Variants in EXTL3 observed in about 807,000 individuals in gnomAD.
EXTL3 encodes exostosin-like 3.
EXTL3 carries 27 observed loss-of-function variants against 69.3 expected under a neutral mutation model. That is an observed-to-expected ratio of 0.39 (90% CI 0.29 to 0.54). EXTL3 has a LOEUF of 0.54. Among genes scored for constraint, EXTL3 ranks in the 20% least tolerant of loss-of-function variants. The probability of loss-of-function intolerance (pLI) is 0.69; values close to 1 mark genes in which losing one functional copy is unlikely to be tolerated. For missense variants in EXTL3, 1,003 were observed against 1,231.8 expected (o/e 0.81, Z 2.78); for synonymous variants, 511 against 499.4 (o/e 1.02, Z -0.31).
chr8:28,716,152 G>T lies in EXTL3; in HGVS notation c.93G>T (p.Trp31Cys). ...LRWSNRIRLT[W>C]LSFTLFVILV... ...GGTCCAACCGCATCCGCCTCACGTG[G>T]CTCAGCTTCACGCTCTTTGTCATCC... Residue 31 changes from tryptophan to cysteine, a missense_variant, in exon 3 of 7, where the codon TGG becomes TGT. Transcript: ENST00000220562. The surrounding 1 kb of genome is among the most constrained non-coding windows in gnomAD (Gnocchi z 7.1). 3.7e-6 allele frequency: 6 copies of T among 1,614,094 alleles called. No individual in the cohort carries two copies. Among genetic ancestry groups the T allele is most frequent in the Non-Finnish European group, 4.2e-6 (5 of 1,180,046 alleles).
intron 1 of EXTL3, among the ~76,000 whole-genome samples, chr8:28,681,160 A>G (rs1807480650): frequency 6.6e-6 from 1 of 151,730 alleles, no homozygotes; most frequent in Non-Finnish European, 1.5e-5. Flanking sequence ...GGCGTGAGCC[A>G]CTGCGCCTTG....
intron 1 of EXTL3, among the ~76,000 whole-genome samples, chr8:28,639,367 C>T (rs866303635): frequency 7.9e-5 from 12 of 152,184 alleles, no homozygotes; most frequent in East Asian, 3.8e-4. Flanking sequence ...CATCCCTGTC[C>T]GACCTCCTGG....
chr8:28,690,208 T>C (rs1180899067), intron 1 of EXTL3, among the ~76,000 whole-genome samples: 3 of 152,020 alleles, frequency 2.0e-5, no homozygotes, highest in Non-Finnish European at 2.9e-5. Flanking sequence ...TTTTCTTCTC[T>C]CTTTCTTTCT....
intron 2 of EXTL3, among the ~76,000 whole-genome samples, chr8:28,609,150 T>C (rs1330929107): frequency 2.0e-5 from 3 of 152,036 alleles, no homozygotes; most frequent in Non-Finnish European, 4.4e-5. Context: ...ATAAGGCCGA[T>C]TTGTCCAGAG....
At chr8:28,749,623 T>TTTCTTTCA (rs1554488749) in intron 6 of EXTL3, among the ~76,000 whole-genome samples, 6 of 150,502 alleles carry the variant, frequency 4.0e-5, no homozygotes, top group Non-Finnish European at 8.9e-5. Context: ...CCTCTGAGGA[T>TTTCTTTCA]TTCATTCATT....
chr8:28,640,946 T>G (rs1426847145), intron 1 of EXTL3, among the ~76,000 whole-genome samples: 1 of 152,212 alleles, frequency 6.6e-6, no homozygotes, highest in East Asian at 1.9e-4. Context: ...ATTTTTTTTT[T>G]CTATTAATAC....
chr8:28,639,264 A>T (rs1446895658), intron 1 of EXTL3, among the ~76,000 whole-genome samples: 1 of 152,036 alleles, frequency 6.6e-6, no homozygotes, highest in African/African-American at 2.4e-5. Context: ...CTCTTCCCCA[A>T]CATCGGCTTA....
At chr8:28,674,034 T>C (rs779597898) in intron 1 of EXTL3, among the ~76,000 whole-genome samples, 1 of 152,152 alleles carries the variant, frequency 6.6e-6, no homozygotes, top group African/African-American at 2.4e-5. Flanking sequence ...CAACCAACTA[T>C]AGAATCAATG....
intron 3 of EXTL3, among the ~76,000 whole-genome samples, chr8:28,719,947 A>G (rs138326044): frequency 3.9e-5 from 6 of 152,258 alleles, no homozygotes; most frequent in South Asian, 2.1e-4. Context: ...TGGGCAGCCC[A>G]TCGCAATAAT....
At chr8:28,748,683 G>A (rs565375023) in intron 6 of EXTL3, among the ~76,000 whole-genome samples, 68 of 152,272 alleles carry the variant, frequency 4.5e-4, no homozygotes, top group African/African-American at 6.7e-4. Context: ...TCTCCTACCC[G>A]TTGCCCCGGG....
chr8:28,717,182 T>C lies in EXTL3; in HGVS notation c.1123T>C (p.Tyr375His). The C allele has an allele frequency of 1.2e-6, 2 of 1,614,240 alleles. No individual in the cohort carries two copies. The highest frequency in any genetic ancestry group is 1.3e-5 in the African/African-American group (1 of 75,066). Residue 375 changes from tyrosine to histidine, a missense_variant, in exon 3 of 7, where the codon TAC becomes CAC. By Grantham distance (83) the Tyr-to-His change is moderately conservative. This residue lies in a region of EXTL3 where 742 missense variants were observed against 815.4 expected (regional missense o/e 0.91). Coordinates refer to ENST00000220562, the MANE Select transcript of EXTL3 (RefSeq NM_001440.4). The surrounding 1 kb of genome is among the most constrained non-coding windows in gnomAD (Gnocchi z 8.3). ...AATGGAGGGCGACCCTCCCGCCGAC[T>C]ACGATGACCGGATCATTGCCACCCT... Reference protein sequence around the residue: ...EEMEGDPPADYDDRIIATLKA... With the variant: ...EEMEGDPPADHDDRIIATLKA...
Position 28,717,841 on chromosome 8 carries a change from TCTGA to T in EXTL3, c.1786_1789del (p.Thr596SerfsTer70), listed in dbSNP as rs2130741658. On this transcript the variant is annotated frameshift_variant, in exon 3 of 7. Transcript: ENST00000220562. LOFTEE classifies it high-confidence loss of function. The surrounding 1 kb of genome is among the most constrained non-coding windows in gnomAD (Gnocchi z 8.3). ...CACCCAGATACCTCCGCAATTTCAC[TCTGA>T]CTGTCACTGACTTTTACCGCAGCTG... The T allele has an allele frequency of 1.2e-6, 2 of 1,612,120 alleles. No individual in the cohort carries two copies. The highest frequency in any genetic ancestry group is 8.5e-7 in the Non-Finnish European group (1 of 1,178,298).
chr8:28,658,767 G>T (rs1253376854), intron 1 of EXTL3, among the ~76,000 whole-genome samples: 1 of 152,148 alleles, frequency 6.6e-6, no homozygotes, highest in Non-Finnish European at 1.5e-5. Flanking sequence ...TTTTAGTAGA[G>T]ATGGGGTTGT....
chr8:28,614,420 C>T (rs1806307290), intron 2 of EXTL3, among the ~76,000 whole-genome samples: 2 of 151,804 alleles, frequency 1.3e-5, no homozygotes, highest in Middle Eastern at 3.4e-3. Flanking sequence ...TATACAGGCA[C>T]GTGCCACCAT....
At chr8:28,671,228 C>A (rs1201893039) in intron 1 of EXTL3, among the ~76,000 whole-genome samples, 1 of 151,222 alleles carries the variant, frequency 6.6e-6, no homozygotes, top group Non-Finnish European at 1.5e-5. Context: ...GTGATATGCC[C>A]ACCTTGGCCT....
At position 28,716,244 on chromosome 8, in the gene EXTL3, A is replaced by G. The variant is rs1306594714; in HGVS notation, c.185A>G (p.Lys62Arg). The change falls in exon 3 of 7, where the codon AAG (lysine) becomes AGG (arginine). Residue 62 changes from lysine (K) to arginine (R), a missense_variant. Around this residue, in one of 2 missense-constraint regions of EXTL3, gnomAD observed 742 missense variants for 815.4 expected, o/e 0.91. Transcript: ENST00000220562. The surrounding 1 kb of genome is among the most constrained non-coding windows in gnomAD (Gnocchi z 7.1). ...CTGGATGAGGCTGATGAGGCAGGCA[A>G]GCGGATTTTTGGTCCCCGGGTGGGG... is the stretch of plus-strand genomic sequence containing the variant. ...TTLDEADEAG[K>R]RIFGPRVGNE... is the part of the protein sequence containing the mutation. 5 of 1,614,206 alleles carry G rather than the reference A, an allele frequency of 3.1e-6. No homozygotes were observed. The highest frequency in any genetic ancestry group is 4.2e-6 in the Non-Finnish European group (5 of 1,180,034).
At chr8:28,630,155 C>T (rs1244986968) in intron 1 of EXTL3, among the ~76,000 whole-genome samples, 1 of 152,088 alleles carries the variant, frequency 6.6e-6, no homozygotes, top group Non-Finnish European at 1.5e-5. Context: ...GTAATTGATA[C>T]ATGGGGGCAG....
Position 28,716,315 on chromosome 8 carries a change from C to G in EXTL3, c.256C>G (p.Arg86Gly). ...GCACGTGCTGGATCTGTGCCGCATC[C>G]GGGAGTCGGTGAGTGAAGAGCTCCT... ...VKHVLDLCRI[R>G]ESVSEELLQL... is the part of the protein sequence containing the mutation. Residue 86 changes from arginine (R) to glycine (G), a missense_variant, in exon 3 of 7, where the codon CGG (arginine) becomes GGG (glycine). Coordinates refer to ENST00000220562, the MANE Select transcript of EXTL3 (RefSeq NM_001440.4). The surrounding 1 kb of genome is among the most constrained non-coding windows in gnomAD (Gnocchi z 7.1). 6.2e-7 allele frequency: 1 copy of G among 1,614,172 alleles called. No individual in the cohort carries two copies. The highest frequency in any genetic ancestry group is 8.5e-7 in the Non-Finnish European group (1 of 1,180,032).
chr8:28,731,232 A>G lies in EXTL3; in HGVS notation c.2158A>G (p.Thr720Ala). Residue 720 changes from threonine to alanine, a missense_variant, in exon 4 of 7, where the codon ACT becomes GCT. By Grantham distance (58) the Thr-to-Ala change is moderately conservative. Transcript: ENST00000220562. ...DIGVPIMVVR[T>A]EKNSLNNRFL... Reference sequence around the variant, plus strand: ...TCCTTCCTCATCACAGGTGGTCCGTACTGAGAAGAACAGTTTGAACAACCG... The same window carrying G: ...TCCTTCCTCATCACAGGTGGTCCGTGCTGAGAAGAACAGTTTGAACAACCG... The G allele has an allele frequency of 6.2e-7, 1 of 1,614,212 alleles. No individual in the cohort carries two copies.
Sources: gnomAD v4.1 joint callset for allele counts (sites outside exome capture counted in the v4.1 genomes callset) on GRCh38, gnomAD v4.1.1 for gene constraint, gnomAD v4.1.1 regional missense constraint, Gnocchi (gnomAD v3.1) non-coding constraint, MANE v1.5 for transcripts, NCBI Gene and HGNC (gene_info 2026-07-23, HGNC 2026-07-21) for gene names.